Variants in ABTB3 observed in about 807,000 individuals in gnomAD.
The protein encoded by ABTB3 is ankyrin repeat and BTB domain containing 3, also known as ankyrin repeat- and BTB/POZ domain-containing protein 3.
At chr12:107,536,737 G>T in the ABTB3 span, among the ~76,000 whole-genome samples, 1 of 152,088 alleles carries the variant, frequency 6.6e-6, no homozygotes, top group Non-Finnish European at 1.5e-5. Context: ...ACAAATACTG[G>T]CAAGGACGTA....
chr12:107,620,551 G>C, the ABTB3 span, among the ~76,000 whole-genome samples: 171 of 152,256 alleles, frequency 1.1e-3, 2 homozygotes, highest in African/African-American at 3.9e-3. Context: ...ATGGGAGGGT[G>C]GGTACCCTGA....
chr12:107,640,204 A>G, the ABTB3 span: 2 of 608,312 alleles, frequency 3.3e-6, no homozygotes, highest in Non-Finnish European at 5.6e-6. Context: ...AGAGTATTTT[A>G]TCACCAAGAT....
the ABTB3 span, among the ~76,000 whole-genome samples, chr12:107,603,852 A>G: frequency 2.6e-5 from 4 of 152,196 alleles, no homozygotes; most frequent in Non-Finnish European, 5.9e-5. Context: ...AAACACCTCA[A>G]TAGTAAGGAA....
At chr12:107,536,052 C>T in the ABTB3 span, among the ~76,000 whole-genome samples, 1 of 151,946 alleles carries the variant, frequency 6.6e-6, no homozygotes. Flanking sequence ...ACACATAGAC[C>T]AATGGAACAG....
chr12:107,527,800 G>A, the ABTB3 span, among the ~76,000 whole-genome samples: 1 of 152,082 alleles, frequency 6.6e-6, no homozygotes, highest in Non-Finnish European at 1.5e-5. Context: ...ATTATATGTG[G>A]TCTTTTTTCT....
chr12:107,468,280 A>G, the ABTB3 span, among the ~76,000 whole-genome samples: 1 of 151,996 alleles, frequency 6.6e-6, no homozygotes, highest in Non-Finnish European at 1.5e-5. Flanking sequence ...TGGGGTGTTT[A>G]TTTTTCACTT....
the ABTB3 span, among the ~76,000 whole-genome samples, chr12:107,595,796 T>C: frequency 6.6e-6 from 1 of 152,102 alleles, no homozygotes; most frequent in Non-Finnish European, 1.5e-5. Context: ...TTTTGTAGGA[T>C]TAAAGTAAGG....
the ABTB3 span, among the ~76,000 whole-genome samples, chr12:107,392,074 C>T: frequency 2.8e-4 from 42 of 152,204 alleles, no homozygotes; most frequent in Non-Finnish European, 1.9e-4. Context: ...GCAATACCAA[C>T]GCTGTGGGCT....
chr12:107,594,468 G>A, the ABTB3 span, among the ~76,000 whole-genome samples: 1 of 152,144 alleles, frequency 6.6e-6, no homozygotes, highest in South Asian at 2.1e-4. Flanking sequence ...CATGATTTTT[G>A]GACAAAGATT....
At chr12:107,451,005 G>A in the ABTB3 span, among the ~76,000 whole-genome samples, 1 of 151,920 alleles carries the variant, frequency 6.6e-6, no homozygotes, top group Non-Finnish European at 1.5e-5. Context: ...TGCATGTGAA[G>A]TATTTCTAAA....
At chr12:107,346,872 A>G in the ABTB3 span, among the ~76,000 whole-genome samples, 1 of 152,240 alleles carries the variant, frequency 6.6e-6, no homozygotes, top group African/African-American at 2.4e-5. Context: ...AGGCCAAAGT[A>G]TCACATCTCC....
At chr12:107,521,178 G>A in the ABTB3 span, among the ~76,000 whole-genome samples, 12 of 151,884 alleles carry the variant, frequency 7.9e-5, no homozygotes, top group Non-Finnish European at 1.6e-4. Context: ...GATAATTATC[G>A]TTGGCTACAA....
chr12:107,320,706 C>G, the ABTB3 span: 1 of 456,048 alleles, frequency 2.2e-6, no homozygotes, highest in Non-Finnish European at 4.4e-6. Context: ...TTTTTGAGGG[C>G]TAGAGCACAC....
chr12:107,335,341 G>A, the ABTB3 span, among the ~76,000 whole-genome samples: 2 of 121,864 alleles, frequency 1.6e-5, no homozygotes, highest in African/African-American at 2.9e-5. Flanking sequence ...CAGCATCGAT[G>A]TACTTATTGG....
the ABTB3 span, among the ~76,000 whole-genome samples, chr12:107,550,145 G>A: frequency 6.6e-6 from 1 of 152,136 alleles, no homozygotes; most frequent in African/African-American, 2.4e-5. Flanking sequence ...GGGCATTGAA[G>A]CCAGAGGGCC....
the ABTB3 span, chr12:107,651,847 T>C: frequency 7.0e-7 from 1 of 1,436,606 alleles, no homozygotes. Context: ...GGGAGGCTTT[T>C]CCTTGGCAAA....
chr12:107,650,034 C>T, the ABTB3 span: 3 of 152,144 alleles, frequency 2.0e-5, no homozygotes, highest in Admixed American at 1.3e-4. Flanking sequence ...GCAAAAGAGC[C>T]AGGATCTCGG....
At chr12:107,632,838 T>C in the ABTB3 span, among the ~76,000 whole-genome samples, 2 of 152,226 alleles carry the variant, frequency 1.3e-5, no homozygotes, top group African/African-American at 4.8e-5. Context: ...TCCTACTTCC[T>C]TGCTGACTGT....
At chr12:107,323,759 T>C in the ABTB3 span, among the ~76,000 whole-genome samples, 1 of 152,208 alleles carries the variant, frequency 6.6e-6, no homozygotes, top group African/African-American at 2.4e-5. Context: ...TTGTGAGGGC[T>C]TCCTTGATGC....
Sources: gnomAD v4.1 joint callset for allele counts (sites outside exome capture counted in the v4.1 genomes callset) on GRCh38, gnomAD v4.1.1 for gene constraint, MANE v1.5 for transcripts, NCBI Gene and HGNC (gene_info 2026-07-23, HGNC 2026-07-21) for gene names.